Variants in INVS observed in about 807,000 individuals in gnomAD.
INVS encodes inversion of embryo turning homolog.
A neutral mutation model predicts 108.8 loss-of-function variants in INVS; 86 were observed. That is an observed-to-expected ratio of 0.79 (90% CI 0.66 to 0.95). INVS has a LOEUF of 0.95. INVS is among the 40% of genes least tolerant of loss of function. The pLI is 0.00. For missense variants in INVS, 1,169 were observed against 1,297.4 expected, an observed-to-expected ratio of 0.90 and a Z score of 1.52; for synonymous variants, 455 against 473.5, an observed-to-expected ratio of 0.96 and a Z score of 0.51.
intron 3 of INVS, among the ~76,000 whole-genome samples, chr9:100,135,838 G>T (rs1244453739): frequency 6.6e-6 from 1 of 152,012 alleles, no homozygotes; most frequent in Non-Finnish European, 1.5e-5. Flanking sequence ...GAAGGGCTCA[G>T]GTATGGTTTA....
At chr9:100,172,411 A>G (rs576674863) in intron 3 of INVS, among the ~76,000 whole-genome samples, 11 of 152,346 alleles carry the variant, frequency 7.2e-5, no homozygotes, top group Admixed American at 3.3e-4. Flanking sequence ...ATACAGTTTA[A>G]TATCTAACAT....
intron 5 of INVS, among the ~76,000 whole-genome samples, chr9:100,232,321 T>TA (rs1831539003): frequency 6.6e-6 from 1 of 152,220 alleles, no homozygotes; most frequent in South Asian, 2.1e-4. Context: ...ACGCTGATGA[T>TA]AGTTTCTTTT....
chr9:100,144,274 T>G (rs1282983273), intron 3 of INVS, among the ~76,000 whole-genome samples: 3 of 152,074 alleles, frequency 2.0e-5, no homozygotes, highest in Non-Finnish European at 4.4e-5. Flanking sequence ...AGGCAAGGAA[T>G]TGCAACTTTT....
intron 3 of INVS, among the ~76,000 whole-genome samples, chr9:100,181,254 G>A (rs1386352283): frequency 6.6e-6 from 1 of 151,372 alleles, no homozygotes; most frequent in African/African-American, 2.4e-5. Context: ...CTCCTGTATT[G>A]GAAGTTCTGG....
At chr9:100,104,333 A>G (rs528891397) in intron 1 of INVS, among the ~76,000 whole-genome samples, 165 bp from the exon 2 acceptor site, 2 of 152,212 alleles carry the variant, frequency 1.3e-5, no homozygotes, top group Non-Finnish European at 2.9e-5. Context: ...CCAAACTGCT[A>G]GTATTACAGA....
At chr9:100,234,475 C>G (rs1456507852) in intron 5 of INVS, among the ~76,000 whole-genome samples, 2 of 152,154 alleles carry the variant, frequency 1.3e-5, no homozygotes, top group East Asian at 3.8e-4. Flanking sequence ...AATTTTAGAT[C>G]TTTCCTACTT....
intron 3 of INVS, among the ~76,000 whole-genome samples, chr9:100,143,284 C>T (rs530331952): frequency 5.9e-5 from 9 of 152,152 alleles, no homozygotes; most frequent in East Asian, 3.9e-4. Flanking sequence ...GTTGATAAGG[C>T]GCAGATCCTG....
chr9:100,117,236 TA>T (rs1588011755), intron 2 of INVS: 6 of 854,832 alleles, frequency 7.0e-6, no homozygotes, highest in Non-Finnish European at 1.1e-5. Flanking sequence ...GTGGCCGTTG[TA>T]GTCCCCGATA....
chr9:100,172,802 C>G (rs1194550117), intron 3 of INVS, among the ~76,000 whole-genome samples: 1 of 152,170 alleles, frequency 6.6e-6, no homozygotes, highest in Admixed American at 6.5e-5. Flanking sequence ...GTTCCAATCA[C>G]CAGCAAGAAT....
At chr9:100,229,900 A>T in intron 5 of INVS, 73 bp downstream of exon 5, 1 of 1,409,378 alleles carries the variant, frequency 7.1e-7, no homozygotes, top group Non-Finnish European at 9.9e-7. Context: ...ATATATACAA[A>T]AGTGTATATT....
chr9:100,183,544 G>T (rs570765352), intron 3 of INVS, among the ~76,000 whole-genome samples: 51 of 152,258 alleles, frequency 3.3e-4, no homozygotes, highest in African/African-American at 1.2e-3. Context: ...TGTAATCCCA[G>T]CACTTTGGGA....
rs371420385 is a variant in INVS at position 100,282,928 on chromosome 9, CTT to C, written c.1785-1391_1785-1390del. On this transcript the variant is annotated intron_variant, in intron 12 of 16. Transcript: ENST00000262457. ...TGGGTGCTTGCTAGAAATGCAGAAT[CTT>C]GAGTTCTCTCTAGCCTAAGTCGGAA... Among the ~76,000 whole-genome samples, 55 of 152,338 alleles carry C rather than the reference CTT, an allele frequency of 3.6e-4. No homozygotes were observed. The South Asian group carries it at 0.011, about 30-fold the overall frequency.
chr9:100,140,527 T>C (rs1305217691), intron 3 of INVS, among the ~76,000 whole-genome samples: 1 of 152,206 alleles, frequency 6.6e-6, no homozygotes, highest in Non-Finnish European at 1.5e-5. Context: ...GAACCGGCCA[T>C]CTGGATGTGT....
chr9:100,113,572 T>C (rs915715165), intron 2 of INVS, among the ~76,000 whole-genome samples: 6 of 151,378 alleles, frequency 4.0e-5, no homozygotes, highest in African/African-American at 9.7e-5. Flanking sequence ...GTTTGTTTGT[T>C]TGTTTGTTTG....
chr9:100,185,735 A>G (rs10116798), intron 3 of INVS, among the ~76,000 whole-genome samples: 46,026 of 151,368 alleles, frequency 0.3, 8,098 homozygotes, highest in Non-Finnish European at 0.41. Context: ...CCCAAAGTAC[A>G]TTATATCACT....
chr9:100,173,055 A>G (rs551063536), intron 3 of INVS, among the ~76,000 whole-genome samples: 4 of 152,206 alleles, frequency 2.6e-5, no homozygotes, highest in Non-Finnish European at 1.5e-5. Flanking sequence ...GATGATTGAG[A>G]TGGCCTAAGT....
intron 3 of INVS, among the ~76,000 whole-genome samples, chr9:100,214,639 G>T (rs1308025249): frequency 2.6e-5 from 4 of 152,216 alleles, no homozygotes; most frequent in African/African-American, 9.6e-5. Context: ...TTGCTTCCAT[G>T]TATACAACGG....
At chr9:100,284,220 T>C in intron 12 of INVS, 100 bp from the exon 13 acceptor site, 3 of 1,370,142 alleles carry the variant, frequency 2.2e-6, no homozygotes, top group East Asian at 4.8e-5. Context: ...AAATATCTCC[T>C]GTGATGTAGT....
At chr9:100,264,003 G>A (rs1333773481) in intron 10 of INVS, among the ~76,000 whole-genome samples, 2 of 151,960 alleles carry the variant, frequency 1.3e-5, no homozygotes, top group Non-Finnish European at 2.9e-5. Flanking sequence ...TAATTTTGTC[G>A]ATTTTTCCCT....
Sources: gnomAD v4.1 joint callset for allele counts (sites outside exome capture counted in the v4.1 genomes callset) on GRCh38, gnomAD v4.1.1 for gene constraint, MANE v1.5 for transcripts, NCBI Gene and HGNC (gene_info 2026-07-23, HGNC 2026-07-21) for gene names.